PTPRG: variants seen among roughly 807,000 people sequenced by gnomAD.
The protein encoded by PTPRG is protein tyrosine phosphatase receptor type G, also known as receptor-type tyrosine-protein phosphatase gamma.
A neutral mutation model predicts 165.3 loss-of-function variants in PTPRG; 102 were observed. That is an observed-to-expected ratio of 0.62 (90% CI 0.53 to 0.73). PTPRG has a LOEUF of 0.73. Among genes scored for constraint, PTPRG ranks in the 30% least tolerant of loss-of-function variants. The probability of loss-of-function intolerance (pLI) is 0.00; values close to 1 mark genes in which losing one functional copy is unlikely to be tolerated. For synonymous variants in PTPRG, 675 were observed against 669.5 expected, an observed-to-expected ratio of 1.01 and a Z score of -0.13; for missense variants, 1,866 against 1,861.4, an observed-to-expected ratio of 1.00 and a Z score of -0.05.
intron 3 of PTPRG, 135 bp from the exon 4 acceptor site, chr3:62,003,214 A>G (rs1490540285): frequency 4.9e-6 from 5 of 1,021,250 alleles, no homozygotes; most frequent in African/African-American, 4.9e-5. Flanking sequence ...GGGTGTGTTC[A>G]ACATATTTTT....
Position 61,614,316 on chromosome 3 carries a change from A to G in PTPRG, c.85+51944A>G, listed in dbSNP as rs1701250978. ...GGTAGATTCCAATCCTGGCTGTGCT[A>G]CTAACCAACCCTATGACCTTGAGTG... On this transcript the variant is annotated intron_variant, in intron 1 of 29. Coordinates refer to ENST00000474889, the MANE Select transcript of PTPRG (RefSeq NM_002841.4). Among the ~76,000 whole-genome samples the G allele has an allele frequency of 2.6e-5, 4 of 152,058 alleles. 1 individual carries two copies. Among genetic ancestry groups the G allele is most frequent in the South Asian group, 4.1e-4 (2 of 4,824 alleles).
chr3:61,914,536 C>G (rs2038884683), intron 2 of PTPRG, among the ~76,000 whole-genome samples: 1 of 152,184 alleles, frequency 6.6e-6, no homozygotes, highest in East Asian at 1.9e-4. Flanking sequence ...TTTTCACGTT[C>G]CGAGTTTAAG....
chr3:61,587,181 G>C (rs752016980), intron 1 of PTPRG, among the ~76,000 whole-genome samples: 6 of 152,166 alleles, frequency 3.9e-5, no homozygotes, highest in Admixed American at 6.5e-5. Flanking sequence ...AAGCAAACAG[G>C]CATGCTGTGT....
Position 61,595,313 on chromosome 3 carries a change from A to T in PTPRG, c.85+32941A>T, listed in dbSNP as rs560859515. ...GTACTTCCTTTGCAGAAGGGGAAAA[A>T]ATCTGATTATATAGTGTTACGTAGC... On this transcript the variant is annotated intron_variant, in intron 1 of 29. Transcript: ENST00000474889. 3.3e-5 allele frequency among the ~76,000 whole-genome samples: 5 copies of T among 151,236 alleles called. No individual in the cohort carries two copies. In the East Asian group the frequency reaches 9.7e-4, roughly 29 times the overall value.
At position 61,564,516 on chromosome 3, in the gene PTPRG, C is replaced by G. The variant is rs1333877647; in HGVS notation, c.85+2144C>G. Among the ~76,000 whole-genome samples the G allele has an allele frequency of 3.9e-5, 6 of 152,154 alleles. No individual in the cohort carries two copies. The East Asian group carries it at 1.2e-3, about 29-fold the overall frequency. On this transcript the variant is annotated intron_variant, in intron 1 of 29. Transcript: ENST00000474889. ...CGCGCCCACGCTGCGAGGTAAATAG[C>G]CCCTTTCCTGGTCCGGGAGCCGAGG... is the stretch of plus-strand genomic sequence containing the variant.
At chr3:62,202,558 G>A (rs556465127) in intron 11 of PTPRG, among the ~76,000 whole-genome samples, 1 of 152,354 alleles carries the variant, frequency 6.6e-6, no homozygotes, top group South Asian at 2.1e-4. Flanking sequence ...TGACTCTGCA[G>A]TGCCCAACAT....
chr3:61,962,222 G>A (rs1314597710), intron 2 of PTPRG, among the ~76,000 whole-genome samples: 1 of 152,190 alleles, frequency 6.6e-6, no homozygotes, highest in East Asian at 1.9e-4. Context: ...TGACAGCTGT[G>A]TTGACTCTCA....
chr3:61,751,833 A>T (rs1030720901), intron 2 of PTPRG, among the ~76,000 whole-genome samples: 32 of 152,056 alleles, frequency 2.1e-4, no homozygotes, highest in African/African-American at 7.2e-4. Flanking sequence ...TACTAAAAAT[A>T]CAAAAAAAAA....
At chr3:61,804,450 C>T (rs1355026761) in intron 2 of PTPRG, among the ~76,000 whole-genome samples, 1 of 152,118 alleles carries the variant, frequency 6.6e-6, no homozygotes, top group Non-Finnish European at 1.5e-5. Context: ...GCTTGGTTTG[C>T]TTTTATATCC....
At chr3:61,992,768 C>T (rs1464969287) in intron 3 of PTPRG, among the ~76,000 whole-genome samples, 3 of 151,944 alleles carry the variant, frequency 2.0e-5, no homozygotes, top group Admixed American at 6.5e-5. Context: ...GTGATCTGCC[C>T]GTCTCAGCCT....
intron 1 of PTPRG, among the ~76,000 whole-genome samples, chr3:61,672,467 C>T (rs1201831086): frequency 5.6e-5 from 8 of 143,000 alleles, no homozygotes; most frequent in Non-Finnish European, 9.2e-5. Flanking sequence ...TCTGCAATCC[C>T]GGCACCTCGG....
intron 1 of PTPRG, among the ~76,000 whole-genome samples, chr3:61,717,543 T>G (rs1420153426): frequency 2.0e-5 from 3 of 152,180 alleles, no homozygotes; most frequent in Non-Finnish European, 4.4e-5. Context: ...ATCCCAGCAC[T>G]TTGGGAGGCC....
intron 2 of PTPRG, among the ~76,000 whole-genome samples, chr3:61,970,906 G>A (rs1420864228): frequency 6.6e-6 from 1 of 152,124 alleles, no homozygotes; most frequent in Non-Finnish European, 1.5e-5. Flanking sequence ...TCCATATATG[G>A]AAAGTTATAC....
At chr3:61,814,805 G>C (rs139701056) in intron 2 of PTPRG, among the ~76,000 whole-genome samples, 3 of 151,092 alleles carry the variant, frequency 2.0e-5, no homozygotes, top group Non-Finnish European at 4.4e-5. Context: ...AATAAATGTC[G>C]TTGCATGGCT....
rs1700407636 is a variant in PTPRG at position 62,213,179 on chromosome 3, A to T, written c.2156-5672A>T. Among the ~76,000 whole-genome samples the T allele has an allele frequency of 6.6e-6, 1 of 152,140 alleles. No homozygotes were observed. The highest frequency in any genetic ancestry group is 1.5e-5 in the Non-Finnish European group (1 of 68,018). ...AGAGGGGAGCATCTAGTGTTACTAA[A>T]CTGTCAGAATTGTTGTTTGGCTCCA... On this transcript the variant is annotated intron_variant, in intron 12 of 29. Transcript: ENST00000474889. This position sits in a 1 kb window ranked among gnomAD's most constrained non-coding sequence, Gnocchi z 4.4.
intron 2 of PTPRG, among the ~76,000 whole-genome samples, chr3:61,905,266 G>C (rs192021937): frequency 6.6e-6 from 1 of 152,276 alleles, no homozygotes; most frequent in African/African-American, 2.4e-5. Flanking sequence ...TAGGGAGCTT[G>C]ACTGTGATTC....
At chr3:61,648,133 T>C (rs1702254565) in intron 1 of PTPRG, among the ~76,000 whole-genome samples, 1 of 152,118 alleles carries the variant, frequency 6.6e-6, no homozygotes, top group African/African-American at 2.4e-5. Flanking sequence ...ATCCTGACAG[T>C]GGAATTAGTA....
intron 2 of PTPRG, among the ~76,000 whole-genome samples, chr3:61,939,021 C>T (rs2039547192): frequency 6.6e-6 from 1 of 152,108 alleles, no homozygotes; most frequent in Non-Finnish European, 1.5e-5. Context: ...CAGCATAAAT[C>T]TGTGATTTCC....
At chr3:62,050,602 A>T (rs533837417) in intron 4 of PTPRG, among the ~76,000 whole-genome samples, 7 of 152,350 alleles carry the variant, frequency 4.6e-5, no homozygotes, top group Non-Finnish European at 2.9e-5. Flanking sequence ...CAGGGATATC[A>T]AGTGCTTGGT....
Sources: gnomAD v4.1 joint callset for allele counts (sites outside exome capture counted in the v4.1 genomes callset) on GRCh38, gnomAD v4.1.1 for gene constraint, Gnocchi (gnomAD v3.1) non-coding constraint, MANE v1.5 for transcripts, NCBI Gene and HGNC (gene_info 2026-07-23, HGNC 2026-07-21) for gene names.